The following ZNF254 variants were observed in gnomAD, a reference collection of about 807,000 sequenced individuals.
ZNF254 encodes the protein CTD-2017D11.1.
A neutral mutation model predicts 12.4 loss-of-function variants in ZNF254; 10 were observed. The observed-to-expected ratio is 0.80, with a 90% confidence interval of 0.50 to 1.36. ZNF254 has a LOEUF of 1.36. Ranked by LOEUF, ZNF254 falls within the 40% of genes most tolerant of loss-of-function variation. The probability of loss-of-function intolerance (pLI) is 0.00; values close to 1 mark genes in which losing one functional copy is unlikely to be tolerated. For missense variants in ZNF254, 996 were observed against 763.9 expected (o/e 1.30, Z -3.58); for synonymous variants, 305 against 253.4 (o/e 1.20, Z -1.93).
At chr19:24,069,749 G>A (rs1247738098) in intron 2 of ZNF254, among the ~76,000 whole-genome samples, 2 of 151,744 alleles carry the variant, frequency 1.3e-5, no homozygotes, top group Admixed American at 1.3e-4. Flanking sequence ...TTAGGAGATT[G>A]AGACCATCCT....
chr19:24,126,052 A>G (rs1005234197), intron 3 of ZNF254, among the ~76,000 whole-genome samples: 3 of 152,110 alleles, frequency 2.0e-5, no homozygotes, highest in African/African-American at 7.2e-5. Flanking sequence ...CACACACTTA[A>G]ATCATTTATG....
Position 24,099,161 on chromosome 19 carries a change from AT to A in ZNF254, c.31-6765del, listed in dbSNP as rs779671942. ...CAGGTGCCCTCCACCATGCCCAGCT[AT>A]TTTTTTTTTTTTTCTTGTATTTTTA... On this transcript the variant is annotated intron_variant, in intron 1 of 3. Transcript: ENST00000357002. Among the ~76,000 whole-genome samples, 1,033 of 133,132 alleles carry A rather than the reference AT, an allele frequency of 7.8e-3. 11 individuals are homozygous for A. Among genetic ancestry groups the A allele is most frequent in the African/African-American group, 0.019 (679 of 35,828 alleles). 87.3% of individuals were successfully genotyped at this position (133,132 alleles called of 152,430 possible).
At chr19:24,045,017 T>A (rs1193348136) in intron 1 of ZNF254, among the ~76,000 whole-genome samples, 5 of 152,198 alleles carry the variant, frequency 3.3e-5, no homozygotes, top group Admixed American at 3.3e-4. Flanking sequence ...TACCGTACCT[T>A]GTTTTAACCT....
At chr19:24,065,853 G>A (rs1255985079) in intron 2 of ZNF254, 1 of 152,186 alleles carries the variant, frequency 6.6e-6, no homozygotes, top group Non-Finnish European at 1.5e-5. Flanking sequence ...CAACACCTGG[G>A]TGATGGATGT....
chr19:24,057,688 T>C (rs118046635), intron 2 of ZNF254, among the ~76,000 whole-genome samples: 3 of 152,354 alleles, frequency 2.0e-5, no homozygotes, highest in South Asian at 2.1e-4. Context: ...TTTACTCTTA[T>C]AAGTGAATCC....
At chr19:24,046,777 G>C (rs1278470338) in intron 2 of ZNF254, among the ~76,000 whole-genome samples, 1 of 151,990 alleles carries the variant, frequency 6.6e-6, no homozygotes, top group Admixed American at 6.6e-5. Flanking sequence ...AACAGCTGGT[G>C]TGGCCTCCTG....
intron 2 of ZNF254, chr19:24,066,906 A>G (rs1971295391): frequency 1.3e-5 from 2 of 151,952 alleles, no homozygotes; most frequent in Admixed American, 6.6e-5. Context: ...TCTCCAAAAA[A>G]AATAAAATAA....
intron 3 of ZNF254, 130 bp from the exon 4 acceptor site, chr19:24,126,124 T>A (rs1974816802): frequency 1.9e-6 from 1 of 538,678 alleles, no homozygotes; most frequent in Admixed American, 4.0e-5. Context: ...ATGAAAGAAT[T>A]AGAGCCTGTG....
chr19:24,090,481 G>T (rs948302111), intron 1 of ZNF254, among the ~76,000 whole-genome samples: 16 of 152,168 alleles, frequency 1.1e-4, no homozygotes, highest in Admixed American at 9.8e-4. Flanking sequence ...CTGTCACCCA[G>T]GCTGGAGCGC....
At chr19:24,073,923 C>T (rs1275024698) in intron 2 of ZNF254, among the ~76,000 whole-genome samples, 4 of 152,182 alleles carry the variant, frequency 2.6e-5, no homozygotes, top group Non-Finnish European at 5.9e-5. Context: ...CTGACCAGCA[C>T]CTGAGTAATT....
At chr19:24,067,829 G>A (rs1467451056) in intron 2 of ZNF254, among the ~76,000 whole-genome samples, 1 of 152,074 alleles carries the variant, frequency 6.6e-6, no homozygotes, top group Non-Finnish European at 1.5e-5. Flanking sequence ...AGCTGGGTCT[G>A]CCACCCAGGT....
At chr19:24,053,946 AT>A (rs1187665483) in intron 2 of ZNF254, among the ~76,000 whole-genome samples, 3 of 150,444 alleles carry the variant, frequency 2.0e-5, no homozygotes, top group Admixed American at 1.3e-4. Context: ...ATGGGATTGC[AT>A]GCTCCTGCCT....
chr19:24,095,118 A>G lies in ZNF254; in HGVS notation c.30+7781A>G, dbSNP rs908440650. On this transcript the variant is annotated intron_variant, in intron 1 of 3. Coordinates refer to ENST00000357002, the MANE Select transcript of ZNF254 (RefSeq NM_203282.4). ...ACATGAAAGATGTTAAATTTTATCA[A>G]AAGCTTTTTCTGCATCTATTGTGGT... Among the ~76,000 whole-genome samples the G allele has an allele frequency of 1.1e-4, 16 of 152,324 alleles. No individual in the cohort carries two copies. In the East Asian group the frequency reaches 3.1e-3, roughly 29 times the overall value.
intron 2 of ZNF254, among the ~76,000 whole-genome samples, chr19:24,074,853 A>G (rs932171139): frequency 5.9e-5 from 9 of 152,140 alleles, no homozygotes; most frequent in Admixed American, 2.0e-4. Flanking sequence ...GCATTGTGAC[A>G]TATCTCTGAG....
intron 1 of ZNF254, chr19:24,105,579 A>G (rs775444294): frequency 2.6e-5 from 6 of 231,606 alleles, no homozygotes; most frequent in Non-Finnish European, 4.2e-5. Flanking sequence ...CAAGATGTCT[A>G]TTTTGTCTGA....
chr19:24,117,896 A>T (rs1974210021), intron 3 of ZNF254, among the ~76,000 whole-genome samples: 1 of 151,858 alleles, frequency 6.6e-6, no homozygotes, highest in Non-Finnish European at 1.5e-5. Flanking sequence ...ACATGTCTTC[A>T]AGGTCTTTTG....
chr19:24,064,108 A>G (rs1399701583), intron 2 of ZNF254, among the ~76,000 whole-genome samples: 1 of 152,076 alleles, frequency 6.6e-6, no homozygotes, highest in Non-Finnish European at 1.5e-5. Context: ...TCCCACCTAG[A>G]TGATGTGACT....
chr19:24,073,404 G>A (rs1389627246), intron 2 of ZNF254, among the ~76,000 whole-genome samples: 2 of 152,176 alleles, frequency 1.3e-5, no homozygotes, highest in Non-Finnish European at 2.9e-5. Context: ...AGGTTCACAG[G>A]TATGATTATG....
At chr19:24,055,232 A>AAAG (rs1555753129) in intron 2 of ZNF254, among the ~76,000 whole-genome samples, 9 of 122,632 alleles carry the variant, frequency 7.3e-5, no homozygotes, top group Non-Finnish European at 1.1e-4. Context: ...AAAAAAAAAA[A>AAAG]GAGTGTACTA....
Sources: allele counts gnomAD v4.1 joint callset (sites outside exome capture counted in the v4.1 genomes callset), GRCh38; gene constraint gnomAD v4.1.1; transcripts MANE v1.5; gene names NCBI Gene and HGNC (gene_info 2026-07-23, HGNC 2026-07-21).